Variants in HSPA4L observed in about 807,000 individuals in gnomAD.
The protein encoded by HSPA4L is heat shock protein family A (Hsp70) member 4 like.
In HSPA4L, 48 loss-of-function variants were observed where a neutral mutation model predicts 100.3. The observed-to-expected ratio is 0.48, with a 90% confidence interval of 0.38 to 0.61. The LOEUF is 0.61. Among genes scored for constraint, HSPA4L ranks in the 20% least tolerant of loss-of-function variants. HSPA4L has a pLI of 0.00. For missense variants in HSPA4L, 886 were observed against 988.6 expected (o/e 0.90, Z 1.39); for synonymous variants, 319 against 328.2 (o/e 0.97, Z 0.30).
chr4:127,819,943 G>T (rs1733765184), intron 13 of HSPA4L, among the ~76,000 whole-genome samples: 2 of 151,900 alleles, frequency 1.3e-5, no homozygotes, highest in African/African-American at 4.8e-5. Context: ...TATAAGTTTT[G>T]CGGGGGTGTG....
intron 1 of HSPA4L, among the ~76,000 whole-genome samples, chr4:127,791,345 C>T (rs1300758722): frequency 1.3e-5 from 2 of 152,274 alleles, no homozygotes; most frequent in South Asian, 4.1e-4. Context: ...AATACACTAA[C>T]ACTAAAGATA....
intron 6 of HSPA4L, among the ~76,000 whole-genome samples, 192 bp downstream of exon 6, chr4:127,802,110 A>G (rs1012854751): frequency 2.6e-5 from 4 of 152,180 alleles, no homozygotes; most frequent in Non-Finnish European, 1.5e-5. Flanking sequence ...TTTCAGGACA[A>G]AATGAGTTAA....
intron 10 of HSPA4L, among the ~76,000 whole-genome samples, 173 bp from the exon 11 acceptor site, chr4:127,807,823 A>G (rs1477751998): frequency 2.0e-5 from 3 of 152,210 alleles, no homozygotes; most frequent in African/African-American, 7.2e-5. Context: ...ACTTTGAGCC[A>G]TAAATCTGTT....
Position 127,796,041 on chromosome 4 carries a change from G to A in HSPA4L, c.306+133G>A, listed in dbSNP as rs535724502. 5.1e-4 allele frequency: 371 copies of A among 723,416 alleles called. 2 individuals carry two copies. In the African/African-American group the frequency reaches 6.0e-3, roughly 12 times the overall value. 44.8% of individuals were successfully genotyped at this position (723,416 alleles called of 1,614,324 possible). ...ACACACCGAAGAGATAGTAGTTTTT[G>A]TAATAATTTTAGTGAATGCCAGGAG... On this transcript the variant is annotated intron_variant, in intron 3 of 18. Transcript: ENST00000296464.
At chr4:127,794,185 T>C in intron 2 of HSPA4L, 51 bp downstream of exon 2, 1 of 1,412,058 alleles carries the variant, frequency 7.1e-7, no homozygotes, top group Non-Finnish European at 1.0e-6. Context: ...TAACTGAATA[T>C]TGGTAACTAA....
At chr4:127,792,469 A>G (rs963891157) in intron 1 of HSPA4L, among the ~76,000 whole-genome samples, 10 of 152,162 alleles carry the variant, frequency 6.6e-5, no homozygotes, top group Non-Finnish European at 1.2e-4. Flanking sequence ...TCTGTGGTAT[A>G]TTTGTTCTTG....
chr4:127,797,854 G>A (rs957778605), intron 3 of HSPA4L, among the ~76,000 whole-genome samples: 1 of 151,960 alleles, frequency 6.6e-6, no homozygotes, highest in African/African-American at 2.4e-5. Flanking sequence ...GCTCGCCTCG[G>A]CCTCCCAAGG....
At chr4:127,828,217 CA>C (rs900070734) in intron 17 of HSPA4L, among the ~76,000 whole-genome samples, 1 of 152,032 alleles carries the variant, frequency 6.6e-6, no homozygotes, top group Non-Finnish European at 1.5e-5. Flanking sequence ...GCCGATGGGA[CA>C]AGTTTTTTAA....
At chr4:127,824,863 G>A (rs750994025) in intron 16 of HSPA4L, among the ~76,000 whole-genome samples, 43 of 152,188 alleles carry the variant, frequency 2.8e-4, no homozygotes, top group Non-Finnish European at 4.3e-4. Context: ...TGGGCTGGGC[G>A]CAGTGGCTCA....
chr4:127,826,630 G>T (rs1190864681), intron 16 of HSPA4L, among the ~76,000 whole-genome samples: 3 of 152,136 alleles, frequency 2.0e-5, no homozygotes, highest in Admixed American at 6.5e-5. Flanking sequence ...TCTGGTGCTT[G>T]CTCTCTGTAT....
chr4:127,830,935 A>G, intron 18 of HSPA4L, 136 bp downstream of exon 18: 2 of 580,470 alleles, frequency 3.4e-6, no homozygotes, highest in Non-Finnish European at 5.5e-6. Context: ...TTTAGTTAAA[A>G]AATTTTAAGA....
rs1351718270 is a variant in HSPA4L at position 127,794,148 on chromosome 4, G to T, written c.165+14G>T. 1.9e-6 allele frequency: 3 copies of T among 1,604,902 alleles called. No homozygotes were observed. In the East Asian group the frequency reaches 6.7e-5, roughly 36 times the overall value. ...GCAAAGAGCCAGGTAAATTGTTAAT[G>T]TGGATGTTTTGACTTACAGGAAGAA... On this transcript the variant is annotated intron_variant, in intron 2 of 18. Transcript: ENST00000296464.
At chr4:127,794,210 A>G (rs1732956688) in intron 2 of HSPA4L, 76 bp downstream of exon 2, 7 of 1,171,544 alleles carry the variant, frequency 6.0e-6, no homozygotes, top group Non-Finnish European at 5.1e-6. Context: ...CTTAAGTTAT[A>G]TTGTTAAGAG....
At chr4:127,801,983 G>T in intron 6 of HSPA4L, 65 bp downstream of exon 6, 2 of 1,339,780 alleles carry the variant, frequency 1.5e-6, no homozygotes, top group Non-Finnish European at 2.0e-6. Flanking sequence ...AACCGTAATA[G>T]CTGGGTTCGA....
At chr4:127,811,663 C>A in intron 12 of HSPA4L, 27 bp downstream of exon 12, 2 of 1,494,544 alleles carry the variant, frequency 1.3e-6, no homozygotes, top group South Asian at 1.2e-5. Context: ...TCTCAATGTT[C>A]TTGTAATAGA....
chr4:127,802,909 G>C (rs1445037504), intron 6 of HSPA4L, among the ~76,000 whole-genome samples: 1 of 152,058 alleles, frequency 6.6e-6, no homozygotes, highest in Non-Finnish European at 1.5e-5. Context: ...TAATGAAAGA[G>C]CTGCAAAACC....
At chr4:127,794,563 G>A (rs187451099) in intron 2 of HSPA4L, among the ~76,000 whole-genome samples, 137 of 152,158 alleles carry the variant, frequency 9.0e-4, no homozygotes, top group African/African-American at 3.3e-3. Flanking sequence ...AGAATTTGTT[G>A]AAGTATTTAT....
At chr4:127,799,050 G>A (rs1369592951) in intron 4 of HSPA4L, among the ~76,000 whole-genome samples, 1 of 152,082 alleles carries the variant, frequency 6.6e-6, no homozygotes, top group African/African-American at 2.4e-5. Flanking sequence ...TTCTAGTTGG[G>A]AATTTGAGGT....
At chr4:127,797,370 G>T (rs1295781024) in intron 3 of HSPA4L, among the ~76,000 whole-genome samples, 1 of 152,022 alleles carries the variant, frequency 6.6e-6, no homozygotes, top group South Asian at 2.1e-4. Flanking sequence ...AATAGATCAG[G>T]CTTTGAGAAT....
Sources: allele counts gnomAD v4.1 joint callset (sites outside exome capture counted in the v4.1 genomes callset), GRCh38; gene constraint gnomAD v4.1.1; transcripts MANE v1.5; gene names NCBI Gene and HGNC (gene_info 2026-07-23, HGNC 2026-07-21).